The following MYO18B variants were observed in gnomAD, a reference collection of about 807,000 sequenced individuals.
MYO18B encodes the protein unconventional myosin-XVIIIb.
In MYO18B, 204 loss-of-function variants were observed where a neutral mutation model predicts 273.0. That is an observed-to-expected ratio of 0.75 (90% CI 0.67 to 0.84). MYO18B has a LOEUF of 0.84. MYO18B is among the 40% of genes least tolerant of loss of function. The probability of loss-of-function intolerance (pLI) is 0.00; values close to 1 mark genes in which losing one functional copy is unlikely to be tolerated. For synonymous variants in MYO18B, 1,330 were observed against 1,305.7 expected, an observed-to-expected ratio of 1.02 and a Z score of -0.40; for missense variants, 3,212 against 3,287.6, an observed-to-expected ratio of 0.98 and a Z score of 0.56.
At chr22:26,008,555 T>G (rs891170266) in intron 42 of MYO18B, among the ~76,000 whole-genome samples, 3 of 152,168 alleles carry the variant, frequency 2.0e-5, no homozygotes, top group Non-Finnish European at 4.4e-5. Context: ...GGACGTCAAC[T>G]CAAGAGAAAT....
intron 42 of MYO18B, among the ~76,000 whole-genome samples, chr22:26,020,989 G>T (rs146148224): frequency 1.3e-5 from 2 of 152,060 alleles, no homozygotes; most frequent in African/African-American, 4.8e-5. Flanking sequence ...CTCGGGAGGC[G>T]GAGGCAAGAG....
At chr22:25,922,338 G>A (rs542223417) in intron 34 of MYO18B, among the ~76,000 whole-genome samples, 12 of 152,258 alleles carry the variant, frequency 7.9e-5, no homozygotes, top group African/African-American at 2.9e-4. Flanking sequence ...TGTGATGAGT[G>A]TGGGCGGTTG....
At chr22:25,864,830 C>A (rs181917297) in intron 21 of MYO18B, among the ~76,000 whole-genome samples, 2 of 152,104 alleles carry the variant, frequency 1.3e-5, no homozygotes, top group African/African-American at 4.8e-5. Flanking sequence ...ATTTGACTCA[C>A]GAAAAAGCAG....
intron 42 of MYO18B, among the ~76,000 whole-genome samples, chr22:26,011,479 T>C (rs1245734736): frequency 6.6e-6 from 1 of 152,202 alleles, no homozygotes; most frequent in African/African-American, 2.4e-5. Context: ...ACTTGGTAGA[T>C]GAAAACTATA....
intron 11 of MYO18B, among the ~76,000 whole-genome samples, chr22:25,789,647 T>C (rs1466388368): frequency 1.8e-5 from 2 of 110,942 alleles, no homozygotes; most frequent in Admixed American, 1.8e-4. Flanking sequence ...AAAAAAAAAA[T>C]AACGAAATTA....
chr22:25,984,941 A>G (rs1350109627), intron 39 of MYO18B, among the ~76,000 whole-genome samples: 2 of 152,184 alleles, frequency 1.3e-5, no homozygotes, highest in African/African-American at 4.8e-5. Context: ...GGTCTCTGCT[A>G]TGATTGATTA....
chr22:25,788,599 T>C (rs1448943170), intron 11 of MYO18B, among the ~76,000 whole-genome samples: 1 of 152,178 alleles, frequency 6.6e-6, no homozygotes, highest in Non-Finnish European at 1.5e-5. Flanking sequence ...GGGGGACATA[T>C]TTATGAAAAA....
chr22:25,891,310 C>G lies in MYO18B; in HGVS notation c.4441C>G (p.His1481Asp), dbSNP rs1183290120. Residue 1481 changes from histidine (H) to aspartate (D), a missense_variant, in exon 27 of 44, where the codon CAT (histidine) becomes GAT (aspartate). Coordinates refer to ENST00000335473, the MANE Select transcript of MYO18B (RefSeq NM_032608.7). The part of the protein sequence containing the change: ...FREVQELKSK[H>D]EQVQKKLGDV... ...CTTGAGCCCTTTCTTCTAGAGCAAG[C>G]ATGAACAAGTCCAGAAAAAACTGGG... 3 of 1,567,430 alleles carry G rather than the reference C, an allele frequency of 1.9e-6. No homozygotes were observed. The South Asian group carries it at 3.5e-5, about 18-fold the overall frequency.
intron 42 of MYO18B, among the ~76,000 whole-genome samples, chr22:26,022,188 T>A (rs1024675779): frequency 6.6e-6 from 1 of 151,150 alleles, no homozygotes; most frequent in African/African-American, 2.4e-5. Context: ...CACGGTAACA[T>A]GTTGATTATC....
intron 34 of MYO18B, among the ~76,000 whole-genome samples, chr22:25,943,619 T>C (rs1038152718): frequency 2.0e-5 from 3 of 152,124 alleles, no homozygotes; most frequent in Non-Finnish European, 4.4e-5. Context: ...CGTTAGTTCC[T>C]GTCTCTGCCT....
At chr22:26,014,899 A>T (rs547845715) in intron 42 of MYO18B, among the ~76,000 whole-genome samples, 1 of 137,314 alleles carries the variant, frequency 7.3e-6, no homozygotes, top group Non-Finnish European at 1.6e-5. Context: ...TCACTTTTTA[A>T]TGGGTTTTTT....
intron 33 of MYO18B, among the ~76,000 whole-genome samples, chr22:25,919,674 GTGTA>G (rs200368537): frequency 1.0e-4 from 13 of 124,806 alleles, no homozygotes; most frequent in South Asian, 2.7e-4. Flanking sequence ...GATTGTGTGT[GTGTA>G]TGTGTGTGTG....
At chr22:26,017,735 G>C (rs1348852361) in intron 42 of MYO18B, among the ~76,000 whole-genome samples, 2 of 152,114 alleles carry the variant, frequency 1.3e-5, no homozygotes, top group African/African-American at 4.8e-5. Flanking sequence ...ATTAAAGAAT[G>C]ATACTCATTA....
intron 31 of MYO18B, among the ~76,000 whole-genome samples, chr22:25,904,763 G>A (rs2331165): frequency 0.89 from 134,769 of 152,106 alleles, 60,096 homozygotes; most frequent in African/African-American, 0.95. Flanking sequence ...CACAAAAATT[G>A]TAAATAAAAC....
intron 34 of MYO18B, among the ~76,000 whole-genome samples, chr22:25,939,308 A>G (rs371478542): frequency 2.0e-5 from 3 of 152,210 alleles, no homozygotes; most frequent in African/African-American, 7.2e-5. Context: ...GGCTAGATCT[A>G]GGTACCCCAA....
At chr22:25,912,840 T>C (rs544272985) in intron 33 of MYO18B, among the ~76,000 whole-genome samples, 4 of 152,326 alleles carry the variant, frequency 2.6e-5, no homozygotes, top group South Asian at 2.1e-4. Context: ...TTCCCCTGAA[T>C]GTATATTTCA....
chr22:25,747,038 C>T (rs1181664074), intron 1 of MYO18B, among the ~76,000 whole-genome samples: 2 of 152,160 alleles, frequency 1.3e-5, no homozygotes, highest in African/African-American at 4.8e-5. Flanking sequence ...AGGAGAATGG[C>T]GTGAACCCAG....
chr22:26,026,500 A>G lies in MYO18B; in HGVS notation c.6526A>G (p.Arg2176Gly). Reference sequence around the variant, plus strand: ...GACCCAGTCGGCATTGGCACTGAGCAGAGCCCGGTCCACCAATGTCCACAG... The same window carrying G: ...GACCCAGTCGGCATTGGCACTGAGCGGAGCCCGGTCCACCAATGTCCACAG... ...ERTQSALALS[R>G]ARSTNVHSKT... Residue 2176 changes from arginine (R) to glycine (G), a missense_variant, in exon 43 of 44, where the codon AGA becomes GGA. Transcript: ENST00000335473. The G allele has an allele frequency of 6.2e-7, 1 of 1,613,954 alleles. No homozygotes were observed. The highest frequency in any genetic ancestry group is 1.1e-5 in the South Asian group (1 of 91,068).
intron 24 of MYO18B, chr22:25,876,757 G>T (rs2091211628): frequency 6.6e-6 from 1 of 152,302 alleles, no homozygotes; most frequent in South Asian, 2.1e-4. Context: ...GCTTTTTGTT[G>T]TTATTATTTT....
Sources: allele counts gnomAD v4.1 joint callset (sites outside exome capture counted in the v4.1 genomes callset), GRCh38; gene constraint gnomAD v4.1.1; transcripts MANE v1.5; gene names NCBI Gene and HGNC (gene_info 2026-07-23, HGNC 2026-07-21).